Variants in CNTN1 observed in about 807,000 individuals in gnomAD.
The protein encoded by CNTN1 is contactin-1.
A neutral mutation model predicts 126.4 loss-of-function variants in CNTN1; 38 were observed. That is an observed-to-expected ratio of 0.30 (90% CI 0.23 to 0.39). The LOEUF is 0.39. Among genes scored for constraint, CNTN1 ranks in the 10% least tolerant of loss-of-function variants. The pLI, the probability that CNTN1 is intolerant of heterozygous loss-of-function variation, is 1.00. For missense variants in CNTN1, 1,009 were observed against 1,248.4 expected (o/e 0.81, Z 2.89); for synonymous variants, 413 against 422.6 (o/e 0.98, Z 0.28).
chr12:41,071,083 CAATAAT>C lies in CNTN1; in HGVS notation c.*1064_*1069del, dbSNP rs3072067. ...ACCGTATTCCATTTTGTAAAAATAA[CAATAAT>C]AATAATAATAATAATTAGTTTTAAG... On this transcript the variant is annotated 3_prime_UTR_variant, in exon 24 of 24. Transcript: ENST00000551295. The C allele has an allele frequency of 4.0e-5, 6 of 150,436 alleles. No homozygotes were observed. Among genetic ancestry groups the C allele is most frequent in the African/African-American group, 1.2e-4 (5 of 41,008 alleles). The allele number at this position is 150,436 out of a possible 1,614,324, so 9.3% of individuals were successfully genotyped here. A position where few individuals can be genotyped will look rare whatever the true frequency, so the allele number is the denominator to read the frequency against.
intron 17 of CNTN1, among the ~76,000 whole-genome samples, chr12:41,008,208 T>G (rs1172996161): frequency 1.3e-5 from 2 of 152,182 alleles, no homozygotes; most frequent in African/African-American, 4.8e-5. Context: ...CATTTGGAGT[T>G]TGATTGTTTC....
At chr12:40,740,688 T>C (rs1937906340) in intron 1 of CNTN1, among the ~76,000 whole-genome samples, 1 of 152,088 alleles carries the variant, frequency 6.6e-6, no homozygotes, top group Admixed American at 6.6e-5. Flanking sequence ...TCTTGAATTG[T>C]AGCTTCCATA....
chr12:41,058,896 G>A (rs1224279084), intron 23 of CNTN1, among the ~76,000 whole-genome samples: 2 of 152,134 alleles, frequency 1.3e-5, no homozygotes, highest in African/African-American at 4.8e-5. Flanking sequence ...AATTATTTCT[G>A]CTGTGAAAGT....
chr12:40,752,399 C>G (rs555530094), intron 1 of CNTN1, among the ~76,000 whole-genome samples: 11 of 152,138 alleles, frequency 7.2e-5, no homozygotes, highest in Non-Finnish European at 2.9e-5. Flanking sequence ...CTTATATGCT[C>G]TAGAAAACCC....
At chr12:40,925,800 T>TTCTATATA (rs1184212659) in intron 6 of CNTN1, among the ~76,000 whole-genome samples, 1 of 116,600 alleles carries the variant, frequency 8.6e-6, no homozygotes, top group African/African-American at 3.5e-5. Flanking sequence ...ACTATTGAAA[T>TTCTATATA]TATATATATA....
intron 1 of CNTN1, among the ~76,000 whole-genome samples, chr12:40,776,756 G>A (rs1039379288): frequency 1.3e-5 from 2 of 151,684 alleles, no homozygotes; most frequent in Admixed American, 1.3e-4. Flanking sequence ...AGTTACTCTT[G>A]AATTGCCAGC....
chr12:40,808,661 A>G (rs73114729), intron 1 of CNTN1, among the ~76,000 whole-genome samples: 3,460 of 152,262 alleles, frequency 0.023, 125 homozygotes, highest in African/African-American at 0.077. Context: ...AGGCTCTTCC[A>G]TATTGTGACA....
At chr12:40,747,389 G>A (rs1938228934) in intron 1 of CNTN1, among the ~76,000 whole-genome samples, 1 of 151,586 alleles carries the variant, frequency 6.6e-6, no homozygotes, top group Non-Finnish European at 1.5e-5. Flanking sequence ...AGCAAGCCGT[G>A]CAAAGACATG....
intron 23 of CNTN1, among the ~76,000 whole-genome samples, chr12:41,042,695 A>T (rs1949444031): frequency 6.6e-6 from 1 of 152,184 alleles, no homozygotes; most frequent in Non-Finnish European, 1.5e-5. Context: ...TTGCCAAGTC[A>T]ATCCTAAGCC....
Position 40,984,884 on chromosome 12 carries a change from T to C in CNTN1, c.1963+3817T>C, listed in dbSNP as rs183471355. 5.1e-4 allele frequency among the ~76,000 whole-genome samples: 77 copies of C among 152,196 alleles called. 1 individual carries two copies. The highest frequency in any genetic ancestry group is 1.4e-3 in the Admixed American group (21 of 15,274). ...ATGTGTGAATATATATACATACATA[T>C]ATAGTTTTCTACAATTACTTTTAAA... is the stretch of plus-strand genomic sequence containing the variant. On this transcript the variant is annotated intron_variant, in intron 16 of 23. Transcript: ENST00000551295.
At chr12:40,712,080 T>C (rs1377653988) in intron 1 of CNTN1, among the ~76,000 whole-genome samples, 2 of 152,174 alleles carry the variant, frequency 1.3e-5, no homozygotes, top group South Asian at 4.1e-4. Flanking sequence ...GAATTCACTC[T>C]ATACCTCTGA....
At chr12:40,806,607 T>C (rs147834322) in intron 1 of CNTN1, among the ~76,000 whole-genome samples, 1 of 152,274 alleles carries the variant, frequency 6.6e-6, no homozygotes, top group Non-Finnish European at 1.5e-5. Context: ...TTATGAGCAC[T>C]TGAAAAATAT....
At chr12:40,773,259 A>G (rs1374166601) in intron 1 of CNTN1, among the ~76,000 whole-genome samples, 2 of 151,804 alleles carry the variant, frequency 1.3e-5, no homozygotes, top group African/African-American at 4.8e-5. Context: ...CACTCTATGT[A>G]AGCCTGTAGC....
chr12:40,838,945 G>C (rs897534372), intron 1 of CNTN1, among the ~76,000 whole-genome samples: 3 of 152,034 alleles, frequency 2.0e-5, no homozygotes, highest in African/African-American at 7.3e-5. Context: ...CAACATTTCA[G>C]GCAAAGAATT....
At chr12:40,856,254 T>G (rs1166488413) in intron 1 of CNTN1, among the ~76,000 whole-genome samples, 1 of 152,164 alleles carries the variant, frequency 6.6e-6, no homozygotes, top group South Asian at 2.1e-4. Context: ...ACCACTCAGA[T>G]AGATTGAGGC....
At position 41,064,722 on chromosome 12, in the gene CNTN1, T is replaced by C. The variant is rs1257375871; in HGVS notation, c.2981-5237T>C. On this transcript the variant is annotated intron_variant, in intron 23 of 23. Coordinates refer to ENST00000551295, the MANE Select transcript of CNTN1 (RefSeq NM_001843.4). ...ATCCCCCTTTCACCCAGTTCAATAA[T>C]GGATTTCCACATATAATTACTTCTG... is the stretch of plus-strand genomic sequence containing the variant. 3.9e-5 allele frequency among the ~76,000 whole-genome samples: 6 copies of C among 152,038 alleles called. 1 individual carries two copies. Among genetic ancestry groups the C allele is most frequent in the Non-Finnish European group, 8.8e-5 (6 of 68,020 alleles).
At chr12:40,984,609 T>G (rs1372190876) in intron 16 of CNTN1, among the ~76,000 whole-genome samples, 1 of 152,156 alleles carries the variant, frequency 6.6e-6, no homozygotes, top group Non-Finnish European at 1.5e-5. Context: ...AAGTCATTCA[T>G]TGGGAATCCA....
intron 21 of CNTN1, among the ~76,000 whole-genome samples, chr12:41,025,793 A>C (rs1280942018): frequency 6.6e-6 from 1 of 152,178 alleles, no homozygotes; most frequent in Non-Finnish European, 1.5e-5. Context: ...ATGTTCTAGT[A>C]CTGTATGTTT....
intron 17 of CNTN1, among the ~76,000 whole-genome samples, chr12:41,010,858 A>G (rs1180781295): frequency 1.4e-5 from 2 of 145,478 alleles, no homozygotes; most frequent in African/African-American, 5.4e-5. Context: ...TGTTCCAACT[A>G]GGGTTTGTTT....
Sources: gnomAD v4.1 joint callset for allele counts (sites outside exome capture counted in the v4.1 genomes callset) on GRCh38, gnomAD v4.1.1 for gene constraint, MANE v1.5 for transcripts, NCBI Gene and HGNC (gene_info 2026-07-23, HGNC 2026-07-21) for gene names.